Variants in IGF2R observed in about 807,000 individuals in gnomAD.
IGF2R encodes the protein cation-independent mannose-6-phosphate receptor.
Under a neutral mutation model 270.6 loss-of-function variants are expected in IGF2R, and 91 were observed. That is an observed-to-expected ratio of 0.34 (90% CI 0.28 to 0.40). The LOEUF is 0.40. Ranked by LOEUF, IGF2R falls within the 10% of genes least tolerant of loss-of-function variation. The pLI is 1.00. For synonymous variants in IGF2R, 1,316 were observed against 1,258.9 expected (o/e 1.05, Z -0.96); for missense variants, 2,805 against 3,188.3 (o/e 0.88, Z 2.90).
chr6:160,065,810 G>GTATA (rs1280903899), intron 29 of IGF2R, among the ~76,000 whole-genome samples: 14 of 72,974 alleles, frequency 1.9e-4, no homozygotes, highest in African/African-American at 6.6e-4. Context: ...GTGTGTGTGT[G>GTATA]TGTGTATATA....
At chr6:160,025,796 A>G (rs530620650) in intron 5 of IGF2R, among the ~76,000 whole-genome samples, 142 of 152,346 alleles carry the variant, frequency 9.3e-4, no homozygotes, top group African/African-American at 3.3e-3. Flanking sequence ...AAGTTTGGTT[A>G]TAGAGTTGAT....
chr6:160,061,788 A>G lies in IGF2R; in HGVS notation c.3442A>G (p.Asn1148Asp). Reference protein sequence around the residue: ...AVGSCLVSEGNSWNLGVVQMS... With the variant: ...AVGSCLVSEGDSWNLGVVQMS... ...GGGGTCTTGCTTAGTGTCAGAAGGCAATAGCTGGAATCTGGGTGTGGTGCA... is the reference window on the plus strand; with the variant it reads ...GGGGTCTTGCTTAGTGTCAGAAGGCGATAGCTGGAATCTGGGTGTGGTGCA... The change falls in exon 25 of 48, where the codon AAT (asparagine) becomes GAT (aspartate). Residue 1148 changes from asparagine to aspartate, a missense_variant. Physicochemically the swap from Asn to Asp is conservative, Grantham distance 23 (BLOSUM62 1). Transcript: ENST00000356956. The G allele has an allele frequency of 1.2e-6, 2 of 1,614,148 alleles. No homozygotes were observed.
At chr6:160,041,999 T>A (rs1777956842) in intron 11 of IGF2R, among the ~76,000 whole-genome samples, 1 of 151,764 alleles carries the variant, frequency 6.6e-6, no homozygotes, top group Non-Finnish European at 1.5e-5. Context: ...AAGTTAACTT[T>A]TTTTTTTTTA....
Position 160,032,724 on chromosome 6 carries a change from G to T in IGF2R, c.1045+11G>T. 6.2e-7 allele frequency: 1 copy of T among 1,612,768 alleles called. No individual in the cohort carries two copies. The highest frequency in any genetic ancestry group is 1.3e-5 in the African/African-American group (1 of 75,034). On this transcript the variant is annotated intron_variant, in intron 8 of 47. Coordinates refer to ENST00000356956, the MANE Select transcript of IGF2R (RefSeq NM_000876.4). Reference sequence around the variant, plus strand: ...TTGCCCAGAGCGGAGGTAAGCAGGTGCTTTCTGCCTCCTGGCGCTGCTTAG... The same window carrying T: ...TTGCCCAGAGCGGAGGTAAGCAGGTTCTTTCTGCCTCCTGGCGCTGCTTAG...
chr6:160,074,205 A>G (rs1052455307), intron 35 of IGF2R: 2 of 557,594 alleles, frequency 3.6e-6, no homozygotes, highest in East Asian at 3.1e-5. Context: ...GGTAACACGA[A>G]TATGTGTGTA....
intron 18 of IGF2R, among the ~76,000 whole-genome samples, chr6:160,048,995 A>C (rs1378428873): frequency 2.6e-5 from 4 of 152,184 alleles, no homozygotes; most frequent in African/African-American, 9.7e-5. Context: ...GGTTGAATGC[A>C]GTCACCGCCA....
intron 34 of IGF2R, 67 bp downstream of exon 34, chr6:160,073,536 C>A: frequency 6.4e-7 from 1 of 1,565,054 alleles, no homozygotes. Context: ...GCCCCTTCGT[C>A]AGGTTCACTT....
intron 1 of IGF2R, among the ~76,000 whole-genome samples, chr6:159,984,591 T>C (rs1783853774): frequency 6.6e-6 from 1 of 152,246 alleles, no homozygotes; most frequent in African/African-American, 2.4e-5. Context: ...CAGTGCAGCG[T>C]CATGCTGTGT....
intron 2 of IGF2R, among the ~76,000 whole-genome samples, chr6:159,999,121 A>G (rs971551584): frequency 2.6e-5 from 4 of 152,218 alleles, no homozygotes; most frequent in African/African-American, 9.7e-5. Context: ...CCACATCTCA[A>G]GAAGTCACGA....
rs1336629390 is a variant in IGF2R at position 160,073,444 on chromosome 6, A to C, written c.4922A>C (p.His1641Pro). 3.7e-6 allele frequency: 6 copies of C among 1,614,266 alleles called. No individual in the cohort carries two copies. Among genetic ancestry groups the C allele is most frequent in the Non-Finnish European group, 5.1e-6 (6 of 1,180,054 alleles). ...KQTCTLFFSW[H>P]TPLACEQATE... ...ACATGCACTCTCTTCTTCTCCTGGC[A>C]CACGCCGCTGGCCTGCGAGCAAGCG... Residue 1641 changes from histidine to proline, a missense_variant, in exon 34 of 48, where the codon CAC (histidine) becomes CCC (proline). Physicochemically the swap from His to Pro is moderately conservative, Grantham distance 77. This residue lies in a region of IGF2R where 1,851 missense variants were observed against 2,207.2 expected (regional missense o/e 0.84). Coordinates refer to ENST00000356956, the MANE Select transcript of IGF2R (RefSeq NM_000876.4).
intron 4 of IGF2R, among the ~76,000 whole-genome samples, chr6:160,017,139 T>C (rs1777318247): frequency 6.6e-6 from 1 of 152,092 alleles, no homozygotes; most frequent in Non-Finnish European, 1.5e-5. Context: ...ATCCAGGATA[T>C]AAATGAGAAA....
At chr6:160,070,982 G>T (rs569585857) in intron 31 of IGF2R, among the ~76,000 whole-genome samples, 1 of 152,350 alleles carries the variant, frequency 6.6e-6, no homozygotes, top group Admixed American at 6.5e-5. Context: ...GGACAAAAGG[G>T]CTGCCCCACA....
intron 1 of IGF2R, among the ~76,000 whole-genome samples, chr6:159,976,616 G>A (rs1457276206): frequency 2.6e-5 from 4 of 151,068 alleles, no homozygotes; most frequent in Non-Finnish European, 4.4e-5. Flanking sequence ...TTCTTTCTTC[G>A]GAGTACCATA....
At chr6:159,976,512 A>G (rs1017545638) in intron 1 of IGF2R, among the ~76,000 whole-genome samples, 1 of 152,090 alleles carries the variant, frequency 6.6e-6, no homozygotes, top group Non-Finnish European at 1.5e-5. Flanking sequence ...AGTAACTTCT[A>G]CATCATTTTT....
rs1778900894 is a variant in IGF2R, at chr6:160,078,372, T to G, written c.5478+10T>G. 2 of 1,612,846 alleles carry G rather than the reference T, an allele frequency of 1.2e-6. No individual in the cohort carries two copies. Among genetic ancestry groups the G allele is most frequent in the Middle Eastern group, 1.7e-4 (1 of 6,046 alleles). Reference sequence around the variant, plus strand: ...CACGAGCACCTTTAAGGTAATGCGTTCACCCTGGGCGTTGCTGGTGCAGGT... The same window carrying G: ...CACGAGCACCTTTAAGGTAATGCGTGCACCCTGGGCGTTGCTGGTGCAGGT... On this transcript the variant is annotated intron_variant, in intron 37 of 47. Coordinates refer to ENST00000356956, the MANE Select transcript of IGF2R (RefSeq NM_000876.4).
chr6:160,043,458 A>C (rs1777991910), intron 12 of IGF2R, among the ~76,000 whole-genome samples, 170 bp downstream of exon 12: 1 of 152,148 alleles, frequency 6.6e-6, no homozygotes, highest in Non-Finnish European at 1.5e-5. Flanking sequence ...TGCTTGATGC[A>C]CTCTGGAATC....
Position 160,063,452 on chromosome 6 carries a change from C to T in IGF2R, c.3708C>T (p.Asn1236=). 3 of 1,612,888 alleles carry T rather than the reference C, an allele frequency of 1.9e-6. No individual in the cohort carries two copies. The highest frequency in any genetic ancestry group is 2.5e-6 in the Non-Finnish European group (3 of 1,180,028). The change falls in exon 27 of 48, where the codon AAC becomes AAT. Residue 1236 remains asparagine, a synonymous_variant. Transcript: ENST00000356956. ...AGGTGAAAGACCCAAGGCATGGCAA[C>T]TTGTATGACCTGAAGCCCCTGGGCC... ...NCEVKDPRHG[N]LYDLKPLGLN... is the part of the protein sequence containing the mutation.
rs777623465 is a variant in IGF2R, at chr6:160,058,017, C to T, written c.2797-6C>T. On this transcript the variant is annotated splice_region_variant and splice_polypyrimidine_tract_variant and intron_variant, in intron 20 of 47. Transcript: ENST00000356956. ...CGCCCCTTTTTCCCCATTTTGTTTC[C>T]TGTAGGCTTGCTCTATAAGGGATCC... The T allele has an allele frequency of 1.2e-6, 2 of 1,601,626 alleles. No homozygotes were observed. The highest frequency in any genetic ancestry group is 1.1e-5 in the South Asian group (1 of 90,708).
At chr6:160,096,738 A>C (rs922523877) in intron 45 of IGF2R, 113 bp downstream of exon 45, 4 of 877,362 alleles carry the variant, frequency 4.6e-6, no homozygotes, top group Non-Finnish European at 6.8e-6. Context: ...AACATGCACC[A>C]AAAAATAGAG....
Sources: allele counts gnomAD v4.1 joint callset (sites outside exome capture counted in the v4.1 genomes callset), GRCh38; gene constraint gnomAD v4.1.1; regional missense constraint gnomAD v4.1.1; transcripts MANE v1.5; gene names NCBI Gene and HGNC (gene_info 2026-07-23, HGNC 2026-07-21).